Variants in MYO10 observed in about 807,000 individuals in gnomAD.
MYO10 encodes the protein unconventional myosin-X.
Under a neutral mutation model 257.3 loss-of-function variants are expected in MYO10, and 133 were observed. That is an observed-to-expected ratio of 0.52 (90% CI 0.45 to 0.60). The LOEUF (loss-of-function observed/expected upper bound fraction) is 0.60. Ranked by LOEUF, MYO10 falls within the 20% of genes least tolerant of loss-of-function variation. MYO10 has a pLI of 0.00. For synonymous variants in MYO10, 1,104 were observed against 1,028.6 expected (o/e 1.07, Z -1.40); for missense variants, 2,399 against 2,635.7 (o/e 0.91, Z 1.97).
At chr5:16,792,138 G>C (rs62369314) in intron 4 of MYO10, among the ~76,000 whole-genome samples, 144 of 91,086 alleles carry the variant, frequency 1.6e-3, no homozygotes, top group Middle Eastern at 5.1e-3. Context: ...CACACAGAGA[G>C]AGAGAGAGAG....
intron 27 of MYO10, among the ~76,000 whole-genome samples, chr5:16,690,237 G>A (rs1737436474): frequency 6.6e-6 from 1 of 152,208 alleles, no homozygotes; most frequent in Admixed American, 6.5e-5. Flanking sequence ...ACGATTTGAA[G>A]CATGTGGGAG....
At chr5:16,796,261 G>GAA (rs1235495278) in intron 3 of MYO10, among the ~76,000 whole-genome samples, 1 of 146,014 alleles carries the variant, frequency 6.8e-6, no homozygotes, top group Admixed American at 7.0e-5. Flanking sequence ...GAGAGAGAGA[G>GAA]AGAAAGAAAG....
chr5:16,879,808 A>C (rs1744706793), intron 1 of MYO10, among the ~76,000 whole-genome samples: 1 of 152,238 alleles, frequency 6.6e-6, no homozygotes, highest in South Asian at 2.1e-4. Context: ...CCTAGGAAGG[A>C]ACATTTAAGA....
At chr5:16,767,898 G>A (rs892101911) in intron 10 of MYO10, among the ~76,000 whole-genome samples, 1 of 151,802 alleles carries the variant, frequency 6.6e-6, no homozygotes, top group Non-Finnish European at 1.5e-5. Flanking sequence ...GGTTGGTCTC[G>A]AACTCCTGAC....
intron 37 of MYO10, 109 bp from the exon 38 acceptor site, chr5:16,671,651 C>G: frequency 7.3e-7 from 1 of 1,368,774 alleles, no homozygotes; most frequent in Non-Finnish European, 1.0e-6. Flanking sequence ...ACATTCTGTC[C>G]GGGCCCAGAA....
chr5:16,870,448 C>T (rs972565879), intron 2 of MYO10, among the ~76,000 whole-genome samples: 12 of 151,470 alleles, frequency 7.9e-5, no homozygotes, highest in African/African-American at 2.4e-4. Context: ...AAATTCAGCC[C>T]GCTCTCCAGC....
intron 21 of MYO10, among the ~76,000 whole-genome samples, chr5:16,705,882 T>C (rs1738305538): frequency 2.0e-5 from 3 of 152,130 alleles, no homozygotes; most frequent in Admixed American, 1.3e-4. Context: ...GTATTATATA[T>C]ACAATATATA....
intron 1 of MYO10, among the ~76,000 whole-genome samples, chr5:16,914,170 C>T (rs1040419909): frequency 6.6e-6 from 1 of 152,192 alleles, no homozygotes; most frequent in South Asian, 2.1e-4. Context: ...TTTCTTCCTA[C>T]AGTACCTACG....
intron 30 of MYO10, 86 bp from the exon 31 acceptor site, chr5:16,682,099 TC>T: frequency 6.7e-7 from 1 of 1,489,386 alleles, no homozygotes; most frequent in Non-Finnish European, 9.1e-7. Context: ...AGTGCCTTCT[TC>T]CTGGCTTCTG....
intron 19 of MYO10, among the ~76,000 whole-genome samples, chr5:16,716,831 G>A (rs999334881): frequency 6.6e-6 from 1 of 151,878 alleles, no homozygotes; most frequent in Non-Finnish European, 1.5e-5. Flanking sequence ...GTTCAAACCG[G>A]TTATTTTTTT....
chr5:16,673,855 T>G lies in MYO10; in HGVS notation c.4999A>C (p.Lys1667Gln). 3 of 1,613,948 alleles carry G rather than the reference T, an allele frequency of 1.9e-6. No homozygotes were observed. The highest frequency in any genetic ancestry group is 2.5e-6 in the Non-Finnish European group (3 of 1,179,866). ...REQFPGSEMEKYALFTYESLK... is the reference protein window; with the variant it reads ...REQFPGSEMEQYALFTYESLK... The stretch of plus-strand genomic sequence containing the variant: ...GATTCGTAAGTGAAGAGAGCGTATT[T>G]TTCCATCTCGCTTCCTGGAAACTGT... The change falls in exon 36 of 41, where the codon AAA becomes CAA. Residue 1667 changes from lysine to glutamine, a missense_variant. This residue lies in a region of MYO10 where 1,820 missense variants were observed against 1,939.4 expected (regional missense o/e 0.94). Coordinates refer to ENST00000513610, the MANE Select transcript of MYO10 (RefSeq NM_012334.3).
At chr5:16,837,361 AG>A (rs1486159821) in intron 2 of MYO10, among the ~76,000 whole-genome samples, 1 of 152,208 alleles carries the variant, frequency 6.6e-6, no homozygotes, top group Non-Finnish European at 1.5e-5. Context: ...TAAGTGAAAG[AG>A]TCCAGACACA....
At chr5:16,707,787 G>A (rs891363809) in intron 21 of MYO10, among the ~76,000 whole-genome samples, 1 of 152,202 alleles carries the variant, frequency 6.6e-6, no homozygotes, top group African/African-American at 2.4e-5. Context: ...GCATCCGACA[G>A]GCCGCTTCAA....
At chr5:16,691,983 AGGCAGAGG>A (rs1430954870) in intron 27 of MYO10, among the ~76,000 whole-genome samples, 1 of 152,240 alleles carries the variant, frequency 6.6e-6, no homozygotes, top group African/African-American at 2.4e-5. Flanking sequence ...AGTGAAAGAA[AGGCAGAGG>A]GGCATCTATA....
chr5:16,738,937 T>C (rs1739912884), intron 19 of MYO10, among the ~76,000 whole-genome samples: 2 of 145,312 alleles, frequency 1.4e-5, no homozygotes, highest in South Asian at 4.4e-4. Flanking sequence ...TCAGAAAAGG[T>C]TGCAACAATT....
At chr5:16,841,825 T>C (rs76186591) in intron 2 of MYO10, among the ~76,000 whole-genome samples, 4,147 of 152,286 alleles carry the variant, frequency 0.027, 101 homozygotes, top group Admixed American at 0.081. Flanking sequence ...CATGATCTCT[T>C]TGTCCTGGCT....
At chr5:16,744,136 A>G (rs1365248877) in intron 19 of MYO10, among the ~76,000 whole-genome samples, 1 of 152,236 alleles carries the variant, frequency 6.6e-6, no homozygotes, top group Non-Finnish European at 1.5e-5. Flanking sequence ...AACTTAAGAG[A>G]GAAAAGGTCT....
chr5:16,843,490 C>T (rs1743543947), intron 2 of MYO10, among the ~76,000 whole-genome samples: 1 of 152,054 alleles, frequency 6.6e-6, no homozygotes, highest in Non-Finnish European at 1.5e-5. Context: ...TGCCCAGGGT[C>T]CCACAGTTAG....
intron 19 of MYO10, among the ~76,000 whole-genome samples, chr5:16,739,439 A>G (rs1466118646): frequency 2.0e-5 from 3 of 152,196 alleles, no homozygotes; most frequent in African/African-American, 4.8e-5. Context: ...TTGGATATAT[A>G]TATCTTGTTT....
Sources: gnomAD v4.1 joint callset for allele counts (sites outside exome capture counted in the v4.1 genomes callset) on GRCh38, gnomAD v4.1.1 for gene constraint, gnomAD v4.1.1 regional missense constraint, MANE v1.5 for transcripts, NCBI Gene and HGNC (gene_info 2026-07-23, HGNC 2026-07-21) for gene names.